The following DHX36 variants were observed in gnomAD, a reference collection of about 807,000 sequenced individuals.
The protein encoded by DHX36 is ATP-dependent DNA/RNA helicase DHX36.
DHX36 carries 50 observed loss-of-function variants against 139.0 expected under a neutral mutation model. The observed-to-expected ratio is 0.36, with a 90% CI of 0.29 to 0.46. The LOEUF (loss-of-function observed/expected upper bound fraction) is 0.46. Ranked by LOEUF, DHX36 falls within the 20% of genes least tolerant of loss-of-function variation. DHX36 has a pLI of 1.00. For synonymous variants in DHX36, 425 were observed against 401.9 expected (o/e 1.06, Z -0.69); for missense variants, 1,024 against 1,211.3 (o/e 0.85, Z 2.29).
intron 12 of DHX36, among the ~76,000 whole-genome samples, chr3:154,297,996 G>A (rs1576868523): frequency 6.6e-6 from 1 of 152,198 alleles, no homozygotes; most frequent in African/African-American, 2.4e-5. Context: ...CCCCATGATA[G>A]TGGTTAACTA....
rs1191263664 is a variant in DHX36 at position 154,299,886 on chromosome 3, T to C, written c.1501A>G (p.Ile501Val). The C allele has an allele frequency of 6.2e-7, 1 of 1,613,872 alleles. No individual in the cohort carries two copies. ...ATCAAGAGATCATGTAAAGTGCTGA[T>C]ATTGTCCCAGCCTGGCAGAAAGACC... ...ILVFLPGWDN[I>V]STLHDLLMSQ... The change falls in exon 12 of 25, where the codon ATC becomes GTC. Residue 501 changes from isoleucine to valine, a missense_variant. By Grantham distance (29) the Ile-to-Val change is conservative. Around this residue, in one of 4 missense-constraint regions of DHX36, gnomAD observed 470 missense variants for 616.2 expected, o/e 0.76. Coordinates refer to ENST00000496811, the MANE Select transcript of DHX36 (RefSeq NM_020865.3).
At position 154,273,608 on chromosome 3, in the gene DHX36, A is replaced by G. The variant is rs964283945; in HGVS notation, c.*2563T>C. On this transcript the variant is annotated 3_prime_UTR_variant, in exon 25 of 25. Transcript: ENST00000496811. The stretch of plus-strand genomic sequence containing the variant: ...AAAACCAGTATGCTCTAATATTGTG[A>G]CATGACTCTAATGCCAGCATTCAAT... 1 of 152,350 alleles carries G rather than the reference A, an allele frequency of 6.6e-6. No homozygotes were observed. Among genetic ancestry groups the G allele is most frequent in the South Asian group, 2.1e-4 (1 of 4,830 alleles). 9.4% of individuals were successfully genotyped at this position (152,350 alleles called of 1,614,324 possible).
intron 12 of DHX36, among the ~76,000 whole-genome samples, chr3:154,298,165 C>T (rs1469838669): frequency 1.3e-5 from 2 of 152,230 alleles, no homozygotes; most frequent in African/African-American, 2.4e-5. Context: ...AGAAAGTTAA[C>T]GAAGTCAATT....
intron 6 of DHX36, among the ~76,000 whole-genome samples, chr3:154,305,858 A>G (rs1441776494): frequency 4.6e-5 from 7 of 152,202 alleles, no homozygotes; most frequent in Non-Finnish European, 1.0e-4. Flanking sequence ...GGAGTTGGAT[A>G]GGGGGTTAAG....
At chr3:154,299,181 G>A (rs930500875) in intron 12 of DHX36, among the ~76,000 whole-genome samples, 1 of 152,062 alleles carries the variant, frequency 6.6e-6, no homozygotes, top group Non-Finnish European at 1.5e-5. Flanking sequence ...ACTGAGGCAG[G>A]AGAACTGCTT....
chr3:154,279,338 G>A (rs1719259815), intron 22 of DHX36: 1 of 152,076 alleles, frequency 6.6e-6, no homozygotes, highest in African/African-American at 2.4e-5. Context: ...CCCCTAGTCT[G>A]GACCAAAACA....
At chr3:154,303,569 TA>T (rs1353172789) in intron 8 of DHX36, among the ~76,000 whole-genome samples, 159 bp from the exon 9 acceptor site, 2 of 152,176 alleles carry the variant, frequency 1.3e-5, no homozygotes, top group African/African-American at 2.4e-5. Context: ...CCTACTTTAA[TA>T]AAAAACAGCA....
chr3:154,295,922 C>T (rs1712029807), intron 12 of DHX36, among the ~76,000 whole-genome samples: 1 of 151,876 alleles, frequency 6.6e-6, no homozygotes, highest in Non-Finnish European at 1.5e-5. Flanking sequence ...CATGCACAAC[C>T]ATGTTTGGCT....
intron 20 of DHX36, among the ~76,000 whole-genome samples, chr3:154,282,561 A>T (rs747794744): frequency 1.3e-5 from 2 of 150,736 alleles, no homozygotes; most frequent in African/African-American, 2.4e-5. Context: ...TTCCTTCCGA[A>T]TTGTGGTGAT....
intron 17 of DHX36, among the ~76,000 whole-genome samples, chr3:154,285,854 C>T (rs969003210): frequency 6.6e-6 from 1 of 150,824 alleles, no homozygotes; most frequent in Non-Finnish European, 1.5e-5. Flanking sequence ...AAATGTAAAA[C>T]CCTCAACTTG....
At position 154,276,565 on chromosome 3, in the gene DHX36, G is replaced by A. The variant is rs1176974668; in HGVS notation, c.2841+182C>T. 3.8e-6 allele frequency: 3 copies of A among 787,386 alleles called. No individual in the cohort carries two copies. The Admixed American group carries it at 9.0e-5, about 24-fold the overall frequency. 48.8% of individuals were successfully genotyped at this position (787,386 alleles called of 1,614,324 possible). A position where few individuals can be genotyped will look rare whatever the true frequency, so the allele number is the denominator to read the frequency against. On this transcript the variant is annotated intron_variant, in intron 24 of 24. Transcript: ENST00000496811. Reference sequence around the variant, plus strand: ...CACTGCAATCACACTGAGCCATTTAGAATGGCTGGTCTGTTACCACCTCAA... The same window carrying A: ...CACTGCAATCACACTGAGCCATTTAAAATGGCTGGTCTGTTACCACCTCAA...
chr3:154,276,660 G>A, intron 24 of DHX36, 87 bp downstream of exon 24: 1 of 1,339,496 alleles, frequency 7.5e-7, no homozygotes, highest in Non-Finnish European at 1.0e-6. Context: ...AGCAAGAAAT[G>A]TTAATCTATT....
intron 11 of DHX36, among the ~76,000 whole-genome samples, chr3:154,300,232 A>G (rs4303837): frequency 0.2 from 30,504 of 151,834 alleles, 4,224 homozygotes; most frequent in East Asian, 0.39. Context: ...CACGCCCAGC[A>G]AATTTTTGTA....
In DHX36 at chr3:154,324,399, A is replaced by T. The variant is rs372982076; in HGVS notation, c.18T>A (p.His6Gln). ...GACCCCCATCACGGCCCCAGTTCTG[A>T]TGGTAGTCATAACTCATTGTCCTGG... Reference protein sequence around the residue: MSYDYHQNWGRDGGPR... With the variant: MSYDYQQNWGRDGGPR... Residue 6 changes from histidine (H) to glutamine (Q), a missense_variant, in exon 1 of 25, where the codon CAT becomes CAA. Physicochemically the swap from His to Gln is conservative, Grantham distance 24. Transcript: ENST00000496811. 3.7e-5 allele frequency: 58 copies of T among 1,560,016 alleles called. No individual in the cohort carries two copies. Among genetic ancestry groups the T allele is most frequent in the Non-Finnish European group, 5.0e-5 (58 of 1,151,284 alleles).
intron 23 of DHX36, 35 bp from the exon 24 acceptor site, chr3:154,276,934 G>C (rs745719588): frequency 3.8e-6 from 6 of 1,569,464 alleles, no homozygotes; most frequent in Non-Finnish European, 5.2e-6. Flanking sequence ...AATACATTCA[G>C]GAGTCTGAAA....
chr3:154,283,529 A>C (rs75109670), intron 19 of DHX36, among the ~76,000 whole-genome samples: 2,100 of 152,230 alleles, frequency 0.014, 42 homozygotes, highest in African/African-American at 0.048. Flanking sequence ...TATGTATTTT[A>C]CACAAAATGG....
Position 154,284,904 on chromosome 3 carries a change from C to A in DHX36, c.2115G>T (p.Met705Ile). ...RLPVEPHIGK[M>I]ILFGALFCCL... ...AGCAGAACAGTGCTCCAAAAAGAAT[C>A]ATTTTTCCAATATGTGGCTCAACGG... is the stretch of plus-strand genomic sequence containing the variant. Residue 705 changes from methionine (M) to isoleucine (I), a missense_variant, in exon 18 of 25, where the codon ATG becomes ATT. Physicochemically the swap from Met to Ile is conservative, Grantham distance 10. Transcript: ENST00000496811. 1.2e-6 allele frequency: 2 copies of A among 1,614,130 alleles called. No homozygotes were observed. The highest frequency in any genetic ancestry group is 1.7e-6 in the Non-Finnish European group (2 of 1,180,014).
At chr3:154,308,348 T>C (rs984217483) in intron 5 of DHX36, among the ~76,000 whole-genome samples, 2 of 152,166 alleles carry the variant, frequency 1.3e-5, no homozygotes, top group African/African-American at 4.8e-5. Context: ...AACCACAGAT[T>C]CTATATTAAA....
chr3:154,275,987 T>C lies in DHX36; in HGVS notation c.*184A>G, dbSNP rs1342366151. On this transcript the variant is annotated 3_prime_UTR_variant, in exon 25 of 25. Coordinates refer to ENST00000496811, the MANE Select transcript of DHX36 (RefSeq NM_020865.3). ...ACATATTGCTTTTATGGTATATATA[T>C]ATATATATATATATCTCTACATATA... The C allele has an allele frequency of 1.3e-5, 5 of 373,280 alleles. No homozygotes were observed. Among genetic ancestry groups the C allele is most frequent in the Non-Finnish European group, 1.9e-5 (4 of 214,018 alleles). 23.1% of individuals were successfully genotyped at this position (373,280 alleles called of 1,614,324 possible).
Sources: gnomAD v4.1 joint callset for allele counts (sites outside exome capture counted in the v4.1 genomes callset) on GRCh38, gnomAD v4.1.1 for gene constraint, gnomAD v4.1.1 regional missense constraint, MANE v1.5 for transcripts, NCBI Gene and HGNC (gene_info 2026-07-23, HGNC 2026-07-21) for gene names.